GABRB2: variants seen among roughly 807,000 people sequenced by gnomAD.
GABRB2 encodes the protein gamma-aminobutyric acid type A receptor subunit beta2, also known as gamma-aminobutyric acid receptor subunit beta-2.
GABRB2 carries 16 observed loss-of-function variants against 54.7 expected under a neutral mutation model. That is an observed-to-expected ratio of 0.29 (90% CI 0.20 to 0.44). The LOEUF is 0.44. GABRB2 is among the 20% of genes least tolerant of loss of function. GABRB2 has a pLI of 1.00. For missense variants in GABRB2, 355 were observed against 644.0 expected (o/e 0.55, Z 4.86); for synonymous variants, 244 against 233.8 (o/e 1.04, Z -0.40).
rs1757203122 is a variant in GABRB2, at chr5:161,290,369, C to G, written c.*3712G>C. The G allele has an allele frequency of 1.3e-5, 2 of 152,404 alleles. No homozygotes were observed. Among genetic ancestry groups the G allele is most frequent in the South Asian group, 4.2e-4 (2 of 4,808 alleles). 9.4% of individuals were successfully genotyped at this position (152,404 alleles called of 1,614,324 possible). On this transcript the variant is annotated 3_prime_UTR_variant, in exon 10 of 10. Coordinates refer to ENST00000393959, the MANE Select transcript of GABRB2 (RefSeq NM_001371727.1). ...TTCCTTGAAAAAGAGAGCAATTAGA[C>G]AAGCAATGTGACAACTACTTAACTT...
chr5:161,442,128 A>G (rs1757484194), intron 4 of GABRB2, among the ~76,000 whole-genome samples: 2 of 152,172 alleles, frequency 1.3e-5, no homozygotes, highest in African/African-American at 4.8e-5. Flanking sequence ...CAAAGGATAA[A>G]TATTTGAGGC....
At chr5:161,515,308 T>C (rs1403916954) in intron 3 of GABRB2, among the ~76,000 whole-genome samples, 1 of 152,144 alleles carries the variant, frequency 6.6e-6, no homozygotes, top group African/African-American at 2.4e-5. Context: ...TAAAAGGAAC[T>C]GTTTTGTTTT....
intron 9 of GABRB2, among the ~76,000 whole-genome samples, chr5:161,324,261 G>A (rs1389528832): frequency 2.6e-5 from 4 of 152,138 alleles, no homozygotes; most frequent in Admixed American, 6.5e-5. Flanking sequence ...TTATATCTGT[G>A]TGGGAGTGTG....
chr5:161,387,876 C>T (rs1432108035), intron 5 of GABRB2, among the ~76,000 whole-genome samples: 3 of 152,030 alleles, frequency 2.0e-5, no homozygotes, highest in East Asian at 1.9e-4. Flanking sequence ...TTAATTAAAT[C>T]TGGGGATATA....
At chr5:161,390,123 AATAG>A (rs1755774379) in intron 5 of GABRB2, among the ~76,000 whole-genome samples, 1 of 152,078 alleles carries the variant, frequency 6.6e-6, no homozygotes, top group Non-Finnish European at 1.5e-5. Context: ...TATGTAAACT[AATAG>A]ATAATTAGGC....
At chr5:161,403,640 T>C (rs904190382) in intron 5 of GABRB2, among the ~76,000 whole-genome samples, 1 of 152,002 alleles carries the variant, frequency 6.6e-6, no homozygotes, top group African/African-American at 2.4e-5. Context: ...ACGTGTAAAA[T>C]AACTTAAATT....
At chr5:161,303,180 C>G (rs915716196) in intron 9 of GABRB2, among the ~76,000 whole-genome samples, 1 of 152,136 alleles carries the variant, frequency 6.6e-6, no homozygotes, top group Admixed American at 6.5e-5. Context: ...TTGTTCGAAG[C>G]TAGGTAAGTT....
chr5:161,377,277 T>A (rs1023259522), intron 5 of GABRB2, among the ~76,000 whole-genome samples: 1 of 152,094 alleles, frequency 6.6e-6, no homozygotes, highest in Non-Finnish European at 1.5e-5. Context: ...CAGCATTTTG[T>A]AAAACCCTAA....
intron 5 of GABRB2, among the ~76,000 whole-genome samples, chr5:161,376,478 C>T (rs1432235595): frequency 6.6e-6 from 1 of 151,960 alleles, no homozygotes; most frequent in Non-Finnish European, 1.5e-5. Context: ...AAAAAAATGC[C>T]TTTTTCCTAA....
chr5:161,469,361 A>G (rs1230449998), intron 3 of GABRB2, among the ~76,000 whole-genome samples: 3 of 152,092 alleles, frequency 2.0e-5, no homozygotes, highest in Admixed American at 6.6e-5. Context: ...AACAAAGCAT[A>G]AATTTCTTTT....
At chr5:161,418,124 A>G (rs1317707023) in intron 4 of GABRB2, among the ~76,000 whole-genome samples, 1 of 152,230 alleles carries the variant, frequency 6.6e-6, no homozygotes, top group African/African-American at 2.4e-5. Flanking sequence ...CCACAAATTC[A>G]GGCACTATTA....
chr5:161,429,358 A>AAAAAAAAAAAAT (rs70990783), intron 4 of GABRB2, among the ~76,000 whole-genome samples: 5 of 91,074 alleles, frequency 5.5e-5, no homozygotes, highest in African/African-American at 1.9e-4. Flanking sequence ...AAAAAAAAAA[A>AAAAAAAAAAAAT]GAAAAAGAAA....
intron 3 of GABRB2, among the ~76,000 whole-genome samples, chr5:161,489,410 G>A (rs573572035): frequency 9.2e-5 from 14 of 151,510 alleles, no homozygotes; most frequent in Non-Finnish European, 1.8e-4. Flanking sequence ...TAATCTTCAC[G>A]AGTAATGTTA....
chr5:161,297,135 T>C (rs1453089768), intron 9 of GABRB2, among the ~76,000 whole-genome samples: 2 of 152,126 alleles, frequency 1.3e-5, no homozygotes, highest in Non-Finnish European at 1.5e-5. Flanking sequence ...ATCTCAGCCT[T>C]ACTAGAGATC....
chr5:161,368,882 T>G (rs1755048798), intron 5 of GABRB2, among the ~76,000 whole-genome samples: 1 of 152,218 alleles, frequency 6.6e-6, no homozygotes, highest in African/African-American at 2.4e-5. Context: ...GACAGACTGC[T>G]GGTTACTCAA....
Position 161,289,218 on chromosome 5 carries a change from TTTTAAG to T in GABRB2, c.*4857_*4862del, listed in dbSNP as rs1757167054. On this transcript the variant is annotated 3_prime_UTR_variant, in exon 10 of 10. Coordinates refer to ENST00000393959, the MANE Select transcript of GABRB2 (RefSeq NM_001371727.1). ...TTCAATTTCCAAAAACCTAGTAGCT[TTTTAAG>T]AGTGCTGCTTTTTTTTTTTTTTTTT... The T allele has an allele frequency of 6.8e-6, 1 of 147,686 alleles. No homozygotes were observed. Among genetic ancestry groups the T allele is most frequent in the Non-Finnish European group, 1.5e-5 (1 of 67,274 alleles). 9.1% of individuals were successfully genotyped at this position (147,686 alleles called of 1,614,324 possible).
At chr5:161,326,079 A>G (rs1193140390) in intron 9 of GABRB2, among the ~76,000 whole-genome samples, 1 of 152,168 alleles carries the variant, frequency 6.6e-6, no homozygotes, top group Non-Finnish European at 1.5e-5. Context: ...TCCTCTCAGT[A>G]CAAATGAAAA....
intron 4 of GABRB2, 70 bp from the exon 5 acceptor site, chr5:161,411,127 G>C: frequency 8.5e-7 from 1 of 1,181,016 alleles, no homozygotes; most frequent in Non-Finnish European, 1.3e-6. Context: ...TTAAATCTAA[G>C]TATCAAAGAA....
chr5:161,350,582 G>C (rs1754444472), intron 5 of GABRB2, among the ~76,000 whole-genome samples: 1 of 152,132 alleles, frequency 6.6e-6, no homozygotes, highest in African/African-American at 2.4e-5. Context: ...TTAATATTGA[G>C]TGTCAACCTG....
Sources: gnomAD v4.1 joint callset for allele counts (sites outside exome capture counted in the v4.1 genomes callset) on GRCh38, gnomAD v4.1.1 for gene constraint, MANE v1.5 for transcripts, NCBI Gene and HGNC (gene_info 2026-07-23, HGNC 2026-07-21) for gene names.